Variants in PCDHA6 observed in about 807,000 individuals in gnomAD.
The protein encoded by PCDHA6 is protocadherin alpha-6.
PCDHA6 carries 55 observed loss-of-function variants against 60.3 expected under a neutral mutation model. The observed-to-expected ratio is 0.91, with a 90% CI of 0.73 to 1.14. The LOEUF (loss-of-function observed/expected upper bound fraction) is 1.14, where lower values mean the gene tolerates loss of function less well. Among genes scored for constraint, PCDHA6 ranks in the 50% most tolerant of loss-of-function variants. The pLI is 0.00. For missense variants in PCDHA6, 1,327 were observed against 1,256.5 expected, an observed-to-expected ratio of 1.06 and a Z score of -0.85; for synonymous variants, 652 against 557.9, an observed-to-expected ratio of 1.17 and a Z score of -2.38.
intron 1 of PCDHA6, chr5:140,852,259 C>A: frequency 2.0e-6 from 1 of 509,052 alleles, no homozygotes; most frequent in Non-Finnish European, 2.6e-6. Flanking sequence ...TTGGAATATG[C>A]TACAATATTA....
At chr5:140,842,075 T>C (rs1285752130) in intron 1 of PCDHA6, 5 of 1,613,720 alleles carry the variant, frequency 3.1e-6, no homozygotes, top group Admixed American at 1.7e-5. Context: ...AGTAAGAATA[T>C]TCGAAAACGC....
intron 1 of PCDHA6, chr5:140,966,863 C>G: frequency 6.4e-7 from 1 of 1,562,680 alleles, no homozygotes; most frequent in Non-Finnish European, 8.6e-7. Flanking sequence ...GCTGCTGTTG[C>G]TGCTGCTGCT....
intron 1 of PCDHA6, among the ~76,000 whole-genome samples, chr5:140,958,989 A>C (rs2095457963): frequency 6.6e-6 from 1 of 152,064 alleles, no homozygotes; most frequent in Non-Finnish European, 1.5e-5. Flanking sequence ...TATTGTTGCT[A>C]ATCTTTTACT....
chr5:140,898,913 G>T (rs1554188302), intron 1 of PCDHA6, among the ~76,000 whole-genome samples: 1 of 152,066 alleles, frequency 6.6e-6, no homozygotes, highest in Non-Finnish European at 1.5e-5. Context: ...CACGTCCCTT[G>T]TAAGTTGGAT....
chr5:140,975,461 G>A (rs2096668419), intron 1 of PCDHA6, among the ~76,000 whole-genome samples: 1 of 152,196 alleles, frequency 6.6e-6, no homozygotes, highest in Non-Finnish European at 1.5e-5. Context: ...GGCCATCTTG[G>A]AATTCTGCCT....
chr5:140,878,016 G>A, intron 1 of PCDHA6: 2 of 818,388 alleles, frequency 2.4e-6, no homozygotes, highest in Admixed American at 3.6e-5. Context: ...CATTAATGAA[G>A]GAAATATGTA....
At chr5:140,886,554 A>G (rs2061020893) in intron 1 of PCDHA6, among the ~76,000 whole-genome samples, 1 of 152,078 alleles carries the variant, frequency 6.6e-6, no homozygotes, top group South Asian at 2.1e-4. Flanking sequence ...CCAGCTGGGC[A>G]CGGTGGCTCA....
At chr5:140,882,658 G>T in intron 1 of PCDHA6, 4 of 1,614,148 alleles carry the variant, frequency 2.5e-6, no homozygotes, top group South Asian at 1.1e-5. Flanking sequence ...ACGACAACCC[G>T]CCCATATTCC....
intron 1 of PCDHA6, chr5:140,877,800 T>C (rs2057344527): frequency 6.2e-7 from 1 of 1,613,404 alleles, no homozygotes; most frequent in Non-Finnish European, 8.5e-7. Context: ...GCCCAAGCCT[T>C]CAGCTGTCTC....
intron 1 of PCDHA6, among the ~76,000 whole-genome samples, chr5:140,922,496 G>A (rs1554200851): frequency 6.6e-6 from 1 of 152,222 alleles, no homozygotes; most frequent in African/African-American, 2.4e-5. Flanking sequence ...ATCTGAGAGT[G>A]AGCAGATGCA....
intron 1 of PCDHA6, chr5:140,862,713 C>CG (rs2153223672): frequency 1.8e-6 from 1 of 561,970 alleles, no homozygotes; most frequent in East Asian, 4.9e-5. Flanking sequence ...AGCGGGTGGG[C>CG]GAGTGCGCGC....
At chr5:141,008,440 A>T (rs545076432) in intron 3 of PCDHA6, among the ~76,000 whole-genome samples, 196 of 152,294 alleles carry the variant, frequency 1.3e-3, no homozygotes, top group South Asian at 8.7e-3. Flanking sequence ...GCCCAGACAG[A>T]CCATTACCCT....
chr5:140,961,929 G>C (rs1387333199), intron 1 of PCDHA6, among the ~76,000 whole-genome samples: 1 of 151,712 alleles, frequency 6.6e-6, no homozygotes, highest in Non-Finnish European at 1.5e-5. Context: ...TGTTGCCCAG[G>C]CTGGAGTGCA....
intron 1 of PCDHA6, chr5:140,853,041 C>G (rs1158374492): frequency 1.9e-5 from 5 of 267,262 alleles, no homozygotes; most frequent in Non-Finnish European, 3.0e-5. Context: ...ACCATGCCCG[C>G]CTAATTTTTT....
At chr5:140,982,025 C>A (rs1191670248) in intron 2 of PCDHA6, among the ~76,000 whole-genome samples, 1 of 152,180 alleles carries the variant, frequency 6.6e-6, no homozygotes, top group Non-Finnish European at 1.5e-5. Flanking sequence ...CAAATTGGAA[C>A]AATACTCCAA....
rs575381539 is a variant in PCDHA6, at chr5:140,952,919, T to TGAGCAG, written c.2395-26018_2395-26013dup. On this transcript the variant is annotated intron_variant, in intron 1 of 3. Coordinates refer to ENST00000529310, the MANE Select transcript of PCDHA6 (RefSeq NM_018909.4). ...GGAATCAAGCTCATCTTACATGGCA[T>TGAGCAG]GAGCAGGAGCAGGAGCAAGAGAGAG... 2.3e-3 allele frequency among the ~76,000 whole-genome samples: 343 copies of TGAGCAG among 152,172 alleles called. 1 individual carries two copies. Among genetic ancestry groups the TGAGCAG allele is most frequent in the African/African-American group, 7.9e-3 (326 of 41,516 alleles).
At chr5:140,880,493 T>C (rs910431574) in intron 1 of PCDHA6, among the ~76,000 whole-genome samples, 31 of 152,204 alleles carry the variant, frequency 2.0e-4, no homozygotes, top group African/African-American at 7.2e-4. Context: ...AAGAGAGCAA[T>C]TGAATTTCTG....
intron 1 of PCDHA6, chr5:140,877,460 C>T: frequency 6.2e-7 from 1 of 1,613,840 alleles, no homozygotes; most frequent in Non-Finnish European, 8.5e-7. Context: ...ACGTCCACGG[C>T]CACGGTGCTG....
Position 140,828,531 on chromosome 5 carries a change from T to G in PCDHA6, c.440T>G (p.Leu147Arg). The G allele has an allele frequency of 1.9e-6, 3 of 1,614,256 alleles. No homozygotes were observed. Among genetic ancestry groups the G allele is most frequent in the Non-Finnish European group, 2.5e-6 (3 of 1,180,038 alleles). Residue 147 changes from leucine (L) to arginine (R), a missense_variant, in exon 1 of 4, where the codon CTG (leucine) becomes CGG (arginine). Coordinates refer to ENST00000529310, the MANE Select transcript of PCDHA6 (RefSeq NM_018909.4). ...EQRVLIYESRLPDSVFPLEGA... is the reference protein window; with the variant it reads ...EQRVLIYESRRPDSVFPLEGA... ...AGAGTGCTGATTTACGAATCTAGGCTGCCAGATTCTGTGTTTCCACTGGAG... is the reference window on the plus strand; with the variant it reads ...AGAGTGCTGATTTACGAATCTAGGCGGCCAGATTCTGTGTTTCCACTGGAG...
Sources: gnomAD v4.1 joint callset for allele counts (sites outside exome capture counted in the v4.1 genomes callset) on GRCh38, gnomAD v4.1.1 for gene constraint, MANE v1.5 for transcripts, NCBI Gene and HGNC (gene_info 2026-07-23, HGNC 2026-07-21) for gene names.